Variants in SYBU observed in about 807,000 individuals in gnomAD.
The protein encoded by SYBU is syntabulin.
SYBU carries 21 observed loss-of-function variants against 35.9 expected under a neutral mutation model. The observed-to-expected ratio is 0.58, with a 90% confidence interval of 0.41 to 0.84. SYBU has a LOEUF of 0.84. Ranked by LOEUF, SYBU falls within the 40% of genes least tolerant of loss-of-function variation. The pLI is 0.00. For missense variants in SYBU, 768 were observed against 848.2 expected (o/e 0.91, Z 1.17); for synonymous variants, 319 against 324.3 (o/e 0.98, Z 0.18).
chr8:109,634,876 C>A (rs1039640576), intron 2 of SYBU, among the ~76,000 whole-genome samples: 4 of 152,236 alleles, frequency 2.6e-5, no homozygotes, highest in South Asian at 4.1e-4. Flanking sequence ...CTTTTTTGGT[C>A]TACCTCAGTC....
Position 109,644,618 on chromosome 8 carries a change from C to A in SYBU, c.24+18G>T. 6.5e-7 allele frequency: 1 copy of A among 1,544,396 alleles called. No individual in the cohort carries two copies. The highest frequency in any genetic ancestry group is 8.7e-7 in the Non-Finnish European group (1 of 1,151,372). On this transcript the variant is annotated intron_variant, in intron 1 of 6. Coordinates refer to ENST00000276646, the MANE Select transcript of SYBU (RefSeq NM_001099754.2). ...CCTTCCCCGCCCTCCAGTGCCCGCACTGCCCCGCGCTCCTTACCTTGCTCT... is the reference window on the plus strand; with the variant it reads ...CCTTCCCCGCCCTCCAGTGCCCGCAATGCCCCGCGCTCCTTACCTTGCTCT...
chr8:109,588,625 T>C (rs1006219851), intron 3 of SYBU, among the ~76,000 whole-genome samples: 1 of 152,208 alleles, frequency 6.6e-6, no homozygotes, highest in Admixed American at 6.5e-5. Context: ...ACAGGAAAGC[T>C]AAATGTAATA....
In SYBU at chr8:109,626,452, A is replaced by C. The variant is rs73317100; in HGVS notation, c.230-7413T>G. Among the ~76,000 whole-genome samples, 765 of 152,342 alleles carry C rather than the reference A, an allele frequency of 5.0e-3. 7 individuals are homozygous for C. The highest frequency in any genetic ancestry group is 0.017 in the African/African-American group (727 of 41,572). The stretch of plus-strand genomic sequence containing the variant: ...ATTATTAATATTGCAATTTTAAGGA[A>C]GTCTACCACATTACTTTGCAATGCT... On this transcript the variant is annotated intron_variant, in intron 2 of 6. Transcript: ENST00000276646.
chr8:109,614,264 C>T (rs1311062690), intron 3 of SYBU, among the ~76,000 whole-genome samples: 1 of 152,056 alleles, frequency 6.6e-6, no homozygotes, highest in African/African-American at 2.4e-5. Flanking sequence ...TAAGATATTC[C>T]CCAAGTAGGA....
chr8:109,680,500 C>A (rs1470519133), intron 1 of SYBU, among the ~76,000 whole-genome samples: 1 of 152,228 alleles, frequency 6.6e-6, no homozygotes, highest in African/African-American at 2.4e-5. Flanking sequence ...TGTACAAATT[C>A]TTTGCTATTT....
At chr8:109,615,080 T>C (rs1291021322) in intron 3 of SYBU, among the ~76,000 whole-genome samples, 1 of 152,240 alleles carries the variant, frequency 6.6e-6, no homozygotes, top group African/African-American at 2.4e-5. Flanking sequence ...AGGGGCATTT[T>C]AATAACTCCT....
At chr8:109,590,582 AAGAAG>A (rs760579956) in intron 3 of SYBU, among the ~76,000 whole-genome samples, 43 of 152,264 alleles carry the variant, frequency 2.8e-4, no homozygotes, top group East Asian at 1.3e-3. Context: ...CTAAACACAA[AAGAAG>A]AGAAGTTCAA....
At chr8:109,686,182 G>A (rs1344148193) in intron 1 of SYBU, among the ~76,000 whole-genome samples, 1 of 150,890 alleles carries the variant, frequency 6.6e-6, no homozygotes, top group African/African-American at 2.4e-5. Context: ...TCTGTAGTGA[G>A]GTCACTGAGG....
intron 1 of SYBU, among the ~76,000 whole-genome samples, chr8:109,662,642 T>G (rs1312347914): frequency 6.6e-6 from 1 of 152,142 alleles, no homozygotes; most frequent in Non-Finnish European, 1.5e-5. Flanking sequence ...TTGTAGACCC[T>G]CTCCTCAAAA....
At position 109,691,204 on chromosome 8, in the gene SYBU, C is replaced by T. The variant is rs1817637181; in HGVS notation, c.-58+129G>A. 1.8e-5 allele frequency: 11 copies of T among 606,938 alleles called. No individual in the cohort carries two copies. The highest frequency in any genetic ancestry group is 7.4e-5 in the South Asian group (4 of 53,936). 37.6% of individuals were successfully genotyped at this position (606,938 alleles called of 1,614,324 possible). Reference sequence around the variant, plus strand: ...ATCGCCGAGCACCCTGGATACCTCCCGCATTGGAAAGGGTGGTCCTGGGGT... The same window carrying T: ...ATCGCCGAGCACCCTGGATACCTCCTGCATTGGAAAGGGTGGTCCTGGGGT... On this transcript the variant is annotated intron_variant, in intron 1 of 7. Transcript: ENST00000422135. The surrounding 1 kb of genome is among the most constrained non-coding windows in gnomAD (Gnocchi z 4.7).
intron 3 of SYBU, among the ~76,000 whole-genome samples, chr8:109,589,430 G>A (rs764487193): frequency 6.6e-6 from 1 of 152,198 alleles, no homozygotes; most frequent in Non-Finnish European, 1.5e-5. Context: ...CAGCTGCCAG[G>A]TTAGTGGAGT....
upstream of SYBU, among the ~76,000 whole-genome samples, chr8:109,685,636 C>T (rs892196530): frequency 6.6e-6 from 1 of 152,054 alleles, no homozygotes; most frequent in Non-Finnish European, 1.5e-5. Flanking sequence ...GGGGCAAGGG[C>T]CATATATAAA....
intron 2 of SYBU, among the ~76,000 whole-genome samples, chr8:109,633,097 T>C (rs7842302): frequency 0.02 from 3,099 of 152,358 alleles, 88 homozygotes; most frequent in African/African-American, 0.071. Flanking sequence ...CGGTCTGATA[T>C]ATGTGTTTGT....
At chr8:109,672,080 T>C (rs1817002527) in intron 1 of SYBU, among the ~76,000 whole-genome samples, 1 of 152,168 alleles carries the variant, frequency 6.6e-6, no homozygotes, top group Non-Finnish European at 1.5e-5. Flanking sequence ...TTTGTATTTT[T>C]AGTAGAGATG....
intron 6 of SYBU, among the ~76,000 whole-genome samples, chr8:109,576,334 C>A (rs1252815191): frequency 1.3e-5 from 2 of 152,156 alleles, no homozygotes; most frequent in Admixed American, 1.3e-4. Flanking sequence ...ATAGCTACCA[C>A]AATTTTTTTT....
chr8:109,606,282 G>T (rs1486390902), intron 3 of SYBU, among the ~76,000 whole-genome samples: 1 of 152,142 alleles, frequency 6.6e-6, no homozygotes, highest in South Asian at 2.1e-4. Flanking sequence ...TTGTAAAAAT[G>T]ATGATAACGT....
At chr8:109,632,124 A>G (rs1334482229) in intron 2 of SYBU, among the ~76,000 whole-genome samples, 1 of 152,142 alleles carries the variant, frequency 6.6e-6, no homozygotes, top group Non-Finnish European at 1.5e-5. Flanking sequence ...ATCTCAGCTC[A>G]CTGTAACCTC....
intron 2 of SYBU, among the ~76,000 whole-genome samples, chr8:109,625,582 C>T (rs1396843426): frequency 6.6e-6 from 1 of 151,960 alleles, no homozygotes; most frequent in Non-Finnish European, 1.5e-5. Context: ...TCACTGTGTT[C>T]AGCTTATTTT....
rs1823185204 is a variant in SYBU, at chr8:109,582,732, GC to G, written c.531-2731del. On this transcript the variant is annotated intron_variant, in intron 4 of 6. Coordinates refer to ENST00000276646, the MANE Select transcript of SYBU (RefSeq NM_001099754.2). ...ACCCCCTGCAAATTGATATGTTGAAGCCCTAACTCCCAGTACCACAGAATAA... is the reference window on the plus strand; with the variant it reads ...ACCCCCTGCAAATTGATATGTTGAAGCCTAACTCCCAGTACCACAGAATAA... Among the ~76,000 whole-genome samples, 4 of 152,250 alleles carry G rather than the reference GC, an allele frequency of 2.6e-5. No homozygotes were observed. The South Asian group carries it at 8.3e-4, about 32-fold the overall frequency.
Sources: gnomAD v4.1 joint callset for allele counts (sites outside exome capture counted in the v4.1 genomes callset) on GRCh38, gnomAD v4.1.1 for gene constraint, Gnocchi (gnomAD v3.1) non-coding constraint, MANE v1.5 for transcripts, NCBI Gene and HGNC (gene_info 2026-07-23, HGNC 2026-07-21) for gene names.